Variants in PIK3AP1 observed in about 807,000 individuals in gnomAD.
The protein encoded by PIK3AP1 is phosphoinositide 3-kinase adapter protein 1.
A neutral mutation model predicts 88.1 loss-of-function variants in PIK3AP1; 21 were observed. That is an observed-to-expected ratio of 0.24 (90% CI 0.17 to 0.34). The LOEUF is 0.34. PIK3AP1 is among the 10% of genes least tolerant of loss of function. PIK3AP1 has a pLI of 1.00. For synonymous variants in PIK3AP1, 398 were observed against 400.0 expected (o/e 1.00, Z 0.06); for missense variants, 828 against 1,035.7 (o/e 0.80, Z 2.75).
At chr10:96,663,644 A>AAAG (rs1843724376) in intron 2 of PIK3AP1, among the ~76,000 whole-genome samples, 2 of 150,916 alleles carry the variant, frequency 1.3e-5, no homozygotes, top group Non-Finnish European at 3.0e-5. Flanking sequence ...AAAAAAAAAA[A>AAAG]AAAAAAAAAA....
At chr10:96,710,691 A>C (rs896948136) in intron 1 of PIK3AP1, among the ~76,000 whole-genome samples, 3 of 152,200 alleles carry the variant, frequency 2.0e-5, no homozygotes, top group Non-Finnish European at 4.4e-5. Context: ...CACTCTTCCA[A>C]GCACATTGCC....
At chr10:96,719,943 C>T (rs1844549647) in intron 1 of PIK3AP1, among the ~76,000 whole-genome samples, 1 of 152,202 alleles carries the variant, frequency 6.6e-6, no homozygotes, top group African/African-American at 2.4e-5. Flanking sequence ...CGGCTGATCT[C>T]TCCGCACCAC....
intron 2 of PIK3AP1, among the ~76,000 whole-genome samples, chr10:96,683,705 T>A (rs1031235700): frequency 1.3e-5 from 2 of 152,228 alleles, no homozygotes; most frequent in African/African-American, 4.8e-5. Context: ...TTCATTTAAT[T>A]CATTCATCAA....
intron 12 of PIK3AP1, 117 bp downstream of exon 12, chr10:96,620,235 G>A (rs1843057364): frequency 4.5e-5 from 48 of 1,075,018 alleles, no homozygotes; most frequent in Non-Finnish European, 6.1e-5. Context: ...TCAAACATTC[G>A]CAGGCACAGC....
In PIK3AP1 at chr10:96,646,636, T is replaced by C. The variant is rs1843464307; in HGVS notation, c.1186-974A>G. Among the ~76,000 whole-genome samples, 10 of 152,100 alleles carry C rather than the reference T, an allele frequency of 6.6e-5. No homozygotes were observed. In the South Asian group the frequency reaches 2.1e-3, roughly 32 times the overall value. ...GCTTGGCACACTAGCCCCTGTTCCT[T>C]CAGCAGTCTCCTCCAAACTGTCAGG... On this transcript the variant is annotated intron_variant, in intron 7 of 16. Transcript: ENST00000339364.
rs1358133703 is a variant in PIK3AP1 at position 96,594,833 on chromosome 10, A to T, written c.*744T>A. ...GATACGGAAGATGGAAAATTCTGGAAGACCAATAGGCACTGATGAATTTCT... is the reference window on the plus strand; with the variant it reads ...GATACGGAAGATGGAAAATTCTGGATGACCAATAGGCACTGATGAATTTCT... On this transcript the variant is annotated 3_prime_UTR_variant, in exon 17 of 17. Transcript: ENST00000339364. The surrounding 1 kb of genome is among the most constrained non-coding windows in gnomAD (Gnocchi z 4.6). 2.0e-5 allele frequency: 3 copies of T among 152,244 alleles called. No individual in the cohort carries two copies. Among genetic ancestry groups the T allele is most frequent in the Non-Finnish European group, 4.4e-5 (3 of 68,052 alleles). The allele number at this position is 152,244 out of a possible 1,614,324, so 9.4% of individuals were successfully genotyped here. A position where few individuals can be genotyped will look rare whatever the true frequency, so the allele number is the denominator to read the frequency against.
chr10:96,658,885 C>G (rs1843650561), intron 2 of PIK3AP1, among the ~76,000 whole-genome samples: 1 of 149,520 alleles, frequency 6.7e-6, no homozygotes, highest in African/African-American at 2.4e-5. Context: ...AACCATCGGT[C>G]TCCTCCAACT....
chr10:96,607,677 T>A, intron 14 of PIK3AP1, among the ~76,000 whole-genome samples: 1 of 152,128 alleles, frequency 6.6e-6, no homozygotes, highest in East Asian at 1.9e-4. Flanking sequence ...CCTCTCCAGA[T>A]CTTGTTGCCA....
At position 96,647,857 on chromosome 10, in the gene PIK3AP1, C is replaced by T. The variant is rs566547679; in HGVS notation, c.1185+802G>A. 1.9e-3 allele frequency among the ~76,000 whole-genome samples: 284 copies of T among 152,200 alleles called. 2 individuals carry two copies. Among genetic ancestry groups the T allele is most frequent in the South Asian group, 5.8e-3 (28 of 4,822 alleles). On this transcript the variant is annotated intron_variant, in intron 7 of 16. Coordinates refer to ENST00000339364, the MANE Select transcript of PIK3AP1 (RefSeq NM_152309.3). ...AGTCTGTGAAGAAGGAGGAAAACCACGAGGGACTGGGATCAGGAAGAGCAG... is the reference window on the plus strand; with the variant it reads ...AGTCTGTGAAGAAGGAGGAAAACCATGAGGGACTGGGATCAGGAAGAGCAG...
chr10:96,641,410 C>T (rs1036068226), intron 8 of PIK3AP1, among the ~76,000 whole-genome samples: 2 of 152,158 alleles, frequency 1.3e-5, no homozygotes, highest in Admixed American at 6.5e-5. Context: ...GCCTGCCACC[C>T]TAAAGCCTGT....
At chr10:96,628,889 C>CACACACACATATATATATATATAT (rs1554955372) in intron 8 of PIK3AP1, among the ~76,000 whole-genome samples, 1 of 60,850 alleles carries the variant, frequency 1.6e-5, no homozygotes, top group Admixed American at 2.2e-4. Context: ...TATATATATA[C>CACACACACATATATATATATATAT]ATATATATAT....
Position 96,604,055 on chromosome 10 carries a change from G to T in PIK3AP1, c.2171-6C>A. The T allele has an allele frequency of 6.3e-7, 1 of 1,583,530 alleles. No individual in the cohort carries two copies. The highest frequency in any genetic ancestry group is 8.6e-7 in the Non-Finnish European group (1 of 1,159,048). On this transcript the variant is annotated splice_polypyrimidine_tract_variant and splice_region_variant and intron_variant, in intron 14 of 16. Transcript: ENST00000339364. ...GGAGCGGTTACTTGTGCTACCTAAA[G>T]GGTAGAAAGAAAATCAGCCGGATTG...
intron 14 of PIK3AP1, among the ~76,000 whole-genome samples, chr10:96,606,382 C>G (rs1311914636): frequency 6.6e-6 from 1 of 152,218 alleles, no homozygotes; most frequent in Non-Finnish European, 1.5e-5. Flanking sequence ...GAGCCATAAT[C>G]CTTTTGAAGG....
At chr10:96,697,105 C>T (rs1399623945) in intron 2 of PIK3AP1, among the ~76,000 whole-genome samples, 1 of 152,212 alleles carries the variant, frequency 6.6e-6, no homozygotes, top group African/African-American at 2.4e-5. Context: ...TATTCTCTTA[C>T]TGATTGTCAT....
At chr10:96,706,304 T>A (rs1165522863) in intron 2 of PIK3AP1, among the ~76,000 whole-genome samples, 1 of 152,212 alleles carries the variant, frequency 6.6e-6, no homozygotes, top group Non-Finnish European at 1.5e-5. Context: ...GTAACGTATA[T>A]GAAAATATTA....
chr10:96,701,435 T>G (rs2134283658), intron 2 of PIK3AP1, among the ~76,000 whole-genome samples: 1 of 152,346 alleles, frequency 6.6e-6, no homozygotes, highest in South Asian at 2.1e-4. Context: ...TTTTCTCATC[T>G]GCAAAATGGC....
intron 2 of PIK3AP1, among the ~76,000 whole-genome samples, chr10:96,686,319 T>C (rs1844067421): frequency 1.3e-5 from 2 of 152,182 alleles, no homozygotes; most frequent in Admixed American, 1.3e-4. Context: ...GCCCACACTG[T>C]GCTAAGCAAA....
chr10:96,685,009 C>T (rs1052631095), intron 2 of PIK3AP1, among the ~76,000 whole-genome samples: 1 of 152,158 alleles, frequency 6.6e-6, no homozygotes, highest in African/African-American at 2.4e-5. Context: ...CACAATCTCC[C>T]CAACACAGCC....
At chr10:96,693,351 G>T (rs754428180) in intron 2 of PIK3AP1, among the ~76,000 whole-genome samples, 5 of 152,112 alleles carry the variant, frequency 3.3e-5, no homozygotes, top group African/African-American at 1.2e-4. Flanking sequence ...CAAAATGGGC[G>T]AATAAATGAA....
Sources: allele counts gnomAD v4.1 joint callset (sites outside exome capture counted in the v4.1 genomes callset), GRCh38; gene constraint gnomAD v4.1.1; non-coding constraint Gnocchi (gnomAD v3.1); transcripts MANE v1.5; gene names NCBI Gene and HGNC (gene_info 2026-07-23, HGNC 2026-07-21).